Variants in PLCG2 observed in about 807,000 individuals in gnomAD.
The protein encoded by PLCG2 is 1-phosphatidylinositol 4,5-bisphosphate phosphodiesterase gamma-2.
Under a neutral mutation model 175.6 loss-of-function variants are expected in PLCG2, and 69 were observed. The ratio of observed to expected loss-of-function variants is 0.39; its 90% CI spans 0.32 to 0.48. PLCG2 has a LOEUF of 0.48. PLCG2 is among the 20% of genes least tolerant of loss of function. The pLI is 0.91. For synonymous variants in PLCG2, 827 were observed against 624.0 expected (o/e 1.33, Z -4.85); for missense variants, 1,798 against 1,650.9 (o/e 1.09, Z -1.54).
intron 2 of PLCG2, among the ~76,000 whole-genome samples, chr16:81,798,165 A>G (rs1446430402): frequency 2.0e-5 from 3 of 152,096 alleles, no homozygotes; most frequent in Non-Finnish European, 4.4e-5. Flanking sequence ...AGATGGGGTA[A>G]TAGTGGAGCT....
At chr16:81,830,509 G>A (rs933119102) in intron 2 of PLCG2, among the ~76,000 whole-genome samples, 5 of 151,902 alleles carry the variant, frequency 3.3e-5, no homozygotes, top group East Asian at 1.9e-4. Context: ...ATTTCACCAC[G>A]TTGGCCATGC....
chr16:81,923,354 G>A (rs1367105743), intron 21 of PLCG2, 131 bp from the exon 22 acceptor site: 7 of 600,466 alleles, frequency 1.2e-5, no homozygotes, highest in Non-Finnish European at 1.8e-5. Flanking sequence ...CTCTCCAGCA[G>A]ATGACTTTGT....
Position 81,879,803 on chromosome 16 carries a change from T to C in PLCG2, c.649-1107T>C, listed in dbSNP as rs1907989436. Among the ~76,000 whole-genome samples, 2 of 152,102 alleles carry C rather than the reference T, an allele frequency of 1.3e-5. 1 individual carries two copies. The highest frequency in any genetic ancestry group is 4.8e-5 in the African/African-American group (2 of 41,406). ...AAAATGGGCTGGTGCAAGTAGAAGC[T>C]GGAGGGAGGGGTGCTCCATGGCGCC... On this transcript the variant is annotated intron_variant, in intron 7 of 32. Transcript: ENST00000564138.
At chr16:81,877,256 C>T (rs1250386960) in intron 7 of PLCG2, among the ~76,000 whole-genome samples, 1 of 152,198 alleles carries the variant, frequency 6.6e-6, no homozygotes, top group Non-Finnish European at 1.5e-5. Flanking sequence ...AGATCGAGAC[C>T]ATCCTGGCTG....
intron 1 of PLCG2, among the ~76,000 whole-genome samples, chr16:81,742,073 A>T (rs1021636549): frequency 1.7e-4 from 24 of 139,984 alleles, no homozygotes; most frequent in African/African-American, 5.6e-4. Flanking sequence ...TCAAAATTCT[A>T]CTCGCTTCCT....
intron 24 of PLCG2, among the ~76,000 whole-genome samples, chr16:81,930,425 G>T (rs1910451960): frequency 1.3e-5 from 2 of 152,106 alleles, no homozygotes; most frequent in African/African-American, 4.8e-5. Flanking sequence ...GCCTGCACAT[G>T]GCTTTCTCCC....
At chr16:81,937,948 C>T in intron 28 of PLCG2, 45 bp downstream of exon 28, 1 of 1,599,328 alleles carries the variant, frequency 6.3e-7, no homozygotes, top group Non-Finnish European at 8.6e-7. Flanking sequence ...AGCCGCCCTC[C>T]CTGGGGGCTG....
chr16:81,900,528 A>G, intron 13 of PLCG2, 84 bp from the exon 14 acceptor site: 1 of 1,278,558 alleles, frequency 7.8e-7, no homozygotes, highest in Non-Finnish European at 1.1e-6. Flanking sequence ...CTGTCGTCCC[A>G]GGGAGCTGCC....
chr16:81,863,307 C>G (rs1294906648), intron 5 of PLCG2, among the ~76,000 whole-genome samples: 5 of 152,210 alleles, frequency 3.3e-5, no homozygotes, highest in African/African-American at 1.2e-4. Context: ...AATATTTGTC[C>G]TTTTGTATCT....
chr16:81,762,179 C>G (rs765298120), intron 2 of PLCG2, among the ~76,000 whole-genome samples: 6 of 152,216 alleles, frequency 3.9e-5, no homozygotes, highest in Middle Eastern at 3.4e-3. Flanking sequence ...GTCTATGCCT[C>G]TTTCCAATTA....
At chr16:81,891,952 G>A (rs1157749420) in intron 11 of PLCG2, among the ~76,000 whole-genome samples, 2 of 152,226 alleles carry the variant, frequency 1.3e-5, no homozygotes, top group African/African-American at 4.8e-5. Context: ...TTGACTTATA[G>A]GGAGTGTGTA....
At chr16:81,750,524 T>C (rs1332484733) in intron 1 of PLCG2, among the ~76,000 whole-genome samples, 7 of 152,014 alleles carry the variant, frequency 4.6e-5, no homozygotes, top group Admixed American at 4.6e-4. Flanking sequence ...ACTGTCAGGT[T>C]CATTGCAGCA....
intron 18 of PLCG2, among the ~76,000 whole-genome samples, chr16:81,911,597 C>CTAATTAATTAATTAATTAATTAATTAAT (rs58191847): frequency 6.8e-6 from 1 of 146,338 alleles, no homozygotes; most frequent in Non-Finnish European, 1.5e-5. Flanking sequence ...CTGTGCCCAG[C>CTAATTAATTAATTAATTAATTAATTAAT]TAATTAATTA....
At chr16:81,770,795 A>C (rs948321894) in intron 2 of PLCG2, among the ~76,000 whole-genome samples, 4 of 152,142 alleles carry the variant, frequency 2.6e-5, no homozygotes, top group African/African-American at 9.7e-5. Flanking sequence ...GCGGTGGCTC[A>C]CGCCTGTTAT....
intron 2 of PLCG2, among the ~76,000 whole-genome samples, chr16:81,844,907 A>C (rs1368574320): frequency 6.6e-6 from 1 of 152,182 alleles, no homozygotes; most frequent in African/African-American, 2.4e-5. Flanking sequence ...CTTAATGTTC[A>C]CAGCAAATAA....
chr16:81,869,358 T>G, intron 6 of PLCG2, 60 bp downstream of exon 6: 2 of 1,234,248 alleles, frequency 1.6e-6, no homozygotes, highest in Non-Finnish European at 2.4e-6. Context: ...GCCTCTCTCA[T>G]GAAGCCGTGG....
At chr16:81,782,987 G>C in intron 1 of PLCG2, 1 of 396,124 alleles carries the variant, frequency 2.5e-6, no homozygotes, top group Non-Finnish European at 4.9e-6. Flanking sequence ...CAGCATGGAA[G>C]TCTGGTGTTT....
intron 1 of PLCG2, among the ~76,000 whole-genome samples, chr16:81,753,130 C>T (rs756614441): frequency 1.1e-4 from 12 of 108,162 alleles, no homozygotes; most frequent in East Asian, 2.2e-4. Flanking sequence ...GCTCTGCTCC[C>T]GGCCTCGCAC....
intron 3 of PLCG2, among the ~76,000 whole-genome samples, chr16:81,855,381 T>C (rs533419372): frequency 9.9e-5 from 15 of 152,190 alleles, no homozygotes; most frequent in Non-Finnish European, 1.6e-4. Flanking sequence ...CTAGAATTTA[T>C]TGACTTAGAA....
Sources: gnomAD v4.1 joint callset for allele counts (sites outside exome capture counted in the v4.1 genomes callset) on GRCh38, gnomAD v4.1.1 for gene constraint, MANE v1.5 for transcripts, NCBI Gene and HGNC (gene_info 2026-07-23, HGNC 2026-07-21) for gene names.